GRAMD1B: variants seen among roughly 807,000 people sequenced by gnomAD.
GRAMD1B encodes the protein GRAM domain containing 1B.
GRAMD1B carries 37 observed loss-of-function variants against 99.7 expected under a neutral mutation model. The ratio of observed to expected loss-of-function variants is 0.37; its 90% confidence interval spans 0.29 to 0.49. The LOEUF (loss-of-function observed/expected upper bound fraction) is 0.49. Ranked by LOEUF, GRAMD1B falls within the 20% of genes least tolerant of loss-of-function variation. The pLI, the probability that GRAMD1B is intolerant of heterozygous loss-of-function variation, is 0.98. For missense variants in GRAMD1B, 888 were observed against 1,009.2 expected (o/e 0.88, Z 1.63); for synonymous variants, 427 against 387.6 (o/e 1.10, Z -1.19).
Position 123,605,455 on chromosome 11 carries a change from G to A in GRAMD1B, c.1300G>A (p.Gly434Arg). The A allele has an allele frequency of 6.2e-7, 1 of 1,612,596 alleles. No individual in the cohort carries two copies. Among genetic ancestry groups the A allele is most frequent in the Non-Finnish European group, 8.5e-7 (1 of 1,179,148 alleles). The change falls in exon 10 of 20, where the codon GGG (glycine) becomes AGG (arginine). Residue 434 changes from glycine to arginine, a missense_variant. Coordinates refer to ENST00000635736, the MANE Select transcript of GRAMD1B (RefSeq NM_001387025.1). ...CACCAACAGCACACTAACATCCACA[G>A]GGAGCAGTGAGGCCCCCGTCTCGGT... ...SITNSTLTST[G>R]SSEAPVSFDG...
intron 1 of GRAMD1B, among the ~76,000 whole-genome samples, chr11:123,359,698 T>G (rs1946074245): frequency 6.6e-6 from 1 of 152,080 alleles, no homozygotes; most frequent in Admixed American, 6.5e-5. Flanking sequence ...GTGGGAGGAT[T>G]GTACATATCG....
At position 123,590,923 on chromosome 11, in the gene GRAMD1B, C is replaced by G. The variant is rs566954021; in HGVS notation, c.685-3159C>G. Reference sequence around the variant, plus strand: ...GTGACTGGCGGGGTTAGACCCTGGACCCGGCTGTGGATCATCCTTGTCCTG... The same window carrying G: ...GTGACTGGCGGGGTTAGACCCTGGAGCCGGCTGTGGATCATCCTTGTCCTG... On this transcript the variant is annotated intron_variant, in intron 4 of 19. Transcript: ENST00000635736. 3.9e-5 allele frequency among the ~76,000 whole-genome samples: 6 copies of G among 152,292 alleles called. No individual in the cohort carries two copies. The East Asian group carries it at 1.2e-3, about 29-fold the overall frequency.
intron 16 of GRAMD1B, 100 bp from the exon 17 acceptor site, chr11:123,614,645 T>C: frequency 1.5e-6 from 1 of 654,622 alleles, no homozygotes; most frequent in African/African-American, 1.8e-5. Context: ...TGGACATTTT[T>C]CCATCAGTCT....
chr11:123,599,099 C>G, intron 7 of GRAMD1B: 1 of 890,240 alleles, frequency 1.1e-6, no homozygotes, highest in Non-Finnish European at 1.9e-6. Flanking sequence ...CACTTGGATT[C>G]TCTCGAGCCT....
rs146595123 is a variant in GRAMD1B at position 123,518,264 on chromosome 11, C to T, written c.452+37371C>T. ...TGCAGAGAAACCAACACTAGTCAGGCAGTCAAGCATTCAGGAAGCGGGAGG... is the reference window on the plus strand; with the variant it reads ...TGCAGAGAAACCAACACTAGTCAGGTAGTCAAGCATTCAGGAAGCGGGAGG... On this transcript the variant is annotated intron_variant, in intron 2 of 19. Transcript: ENST00000635736. Among the ~76,000 whole-genome samples, 189 of 152,266 alleles carry T rather than the reference C, an allele frequency of 1.2e-3. 2 individuals carry two copies. The highest frequency in any genetic ancestry group is 7.5e-3 in the South Asian group (36 of 4,826).
intron 2 of GRAMD1B, among the ~76,000 whole-genome samples, chr11:123,516,357 G>A (rs1483183630): frequency 6.6e-6 from 1 of 152,182 alleles, no homozygotes; most frequent in Non-Finnish European, 1.5e-5. Context: ...AGCTTCCCCT[G>A]CCCTAACCTT....
chr11:123,578,730 C>T (rs77687849), intron 3 of GRAMD1B, among the ~76,000 whole-genome samples: 8,223 of 152,222 alleles, frequency 0.054, 336 homozygotes, highest in African/African-American at 0.12. Flanking sequence ...TTACATGGTG[C>T]GGTCGAGAAA....
intron 1 of GRAMD1B, among the ~76,000 whole-genome samples, chr11:123,421,021 T>C (rs1003758111): frequency 3.3e-5 from 5 of 152,232 alleles, no homozygotes; most frequent in Middle Eastern, 3.2e-3. Flanking sequence ...GTATCATATA[T>C]TTGCTTTAAA....
rs1951814987 is a variant in GRAMD1B, at chr11:123,600,520, G to A, written c.1022G>A (p.Arg341Gln). The A allele has an allele frequency of 6.2e-7, 1 of 1,612,676 alleles. No individual in the cohort carries two copies. Among genetic ancestry groups the A allele is most frequent in the Non-Finnish European group, 8.5e-7 (1 of 1,178,956 alleles). The change falls in exon 8 of 20, where the codon CGG (arginine) becomes CAG (glutamine). Residue 341 changes from arginine to glutamine, a missense_variant. By Grantham distance (43) the Arg-to-Gln change is conservative. This residue lies in a region of GRAMD1B where 269 missense variants were observed against 296.6 expected (regional missense o/e 0.91). Coordinates refer to ENST00000635736, the MANE Select transcript of GRAMD1B (RefSeq NM_001387025.1). ...GATAGGACATATATGATGATGTTCC[G>A]GCTCTGGCAGAATGCTCTCCTTGAA... Reference protein sequence around the residue: ...ARDRTYMMMFRLWQNALLEKP... With the variant: ...ARDRTYMMMFQLWQNALLEKP...
intron 2 of GRAMD1B, among the ~76,000 whole-genome samples, chr11:123,563,166 G>C (rs1946969173): frequency 6.6e-6 from 1 of 152,198 alleles, no homozygotes; most frequent in South Asian, 2.1e-4. Flanking sequence ...GGAGAAATTA[G>C]ATTTGTTCTA....
At chr11:123,533,819 C>G (rs1470672497) in intron 2 of GRAMD1B, among the ~76,000 whole-genome samples, 1 of 152,210 alleles carries the variant, frequency 6.6e-6, no homozygotes, top group African/African-American at 2.4e-5. Context: ...AACTAAAGCA[C>G]AGAGGAGCCA....
chr11:123,423,775 T>C (rs1948545364), intron 1 of GRAMD1B, among the ~76,000 whole-genome samples: 2 of 152,246 alleles, frequency 1.3e-5, no homozygotes, highest in African/African-American at 4.8e-5. Flanking sequence ...AAATTTGTGT[T>C]CATCTTCTAC....
chr11:123,504,364 A>G (rs1194613931), intron 2 of GRAMD1B, among the ~76,000 whole-genome samples: 1 of 152,178 alleles, frequency 6.6e-6, no homozygotes, highest in Non-Finnish European at 1.5e-5. Context: ...CTCATAGCTG[A>G]GTGTGCAGTA....
chr11:123,393,541 T>C (rs947778112), intron 1 of GRAMD1B, among the ~76,000 whole-genome samples: 3 of 152,184 alleles, frequency 2.0e-5, no homozygotes, highest in Admixed American at 6.6e-5. Flanking sequence ...AGATGGCTAA[T>C]GCATGCTGGC....
chr11:123,381,161 C>T (rs1464285049), intron 1 of GRAMD1B, among the ~76,000 whole-genome samples: 2 of 152,146 alleles, frequency 1.3e-5, no homozygotes, highest in Admixed American at 6.5e-5. Context: ...CTTCCTGGGT[C>T]AGCTCTTGGG....
intron 1 of GRAMD1B, among the ~76,000 whole-genome samples, chr11:123,405,347 T>A (rs2135941768): frequency 6.6e-6 from 1 of 152,228 alleles, no homozygotes; most frequent in South Asian, 2.1e-4. Flanking sequence ...TCTCTGCTCT[T>A]CATCTGGCTG....
At chr11:123,559,904 CT>C (rs921127326) in intron 2 of GRAMD1B, among the ~76,000 whole-genome samples, 1 of 152,256 alleles carries the variant, frequency 6.6e-6, no homozygotes, top group African/African-American at 2.4e-5. Flanking sequence ...ATGCACGACT[CT>C]CTTTAGAGCC....
At chr11:123,576,563 T>TA (rs1388272950) in intron 2 of GRAMD1B, among the ~76,000 whole-genome samples, 4 of 152,230 alleles carry the variant, frequency 2.6e-5, no homozygotes, top group Non-Finnish European at 5.9e-5. Flanking sequence ...ATTTGCAGCT[T>TA]ATAAGCCTTG....
intron 1 of GRAMD1B, chr11:123,458,801 T>C (rs2134457792): frequency 6.6e-6 from 1 of 151,852 alleles, no homozygotes; most frequent in South Asian, 2.1e-4. Context: ...TCTCTCAACA[T>C]GTAGAGTGTG....
Sources: allele counts gnomAD v4.1 joint callset (sites outside exome capture counted in the v4.1 genomes callset), GRCh38; gene constraint gnomAD v4.1.1; regional missense constraint gnomAD v4.1.1; transcripts MANE v1.5; gene names NCBI Gene and HGNC (gene_info 2026-07-23, HGNC 2026-07-21).